COL25A1: variants seen among roughly 807,000 people sequenced by gnomAD.
COL25A1 encodes collagen type XXV alpha 1 chain, also known as collagen alpha-1(XXV) chain.
COL25A1 carries 103 observed loss-of-function variants against 128.4 expected under a neutral mutation model. That is an observed-to-expected ratio of 0.80 (90% CI 0.68 to 0.94). The LOEUF is 0.94. COL25A1 is among the 40% of genes least tolerant of loss of function. The probability of loss-of-function intolerance (pLI) is 0.00; values close to 1 mark genes in which losing one functional copy is unlikely to be tolerated. For synonymous variants in COL25A1, 279 were observed against 277.2 expected (o/e 1.01, Z -0.06); for missense variants, 745 against 840.0 (o/e 0.89, Z 1.40).
chr4:108,889,164 T>C (rs1578668358), intron 18 of COL25A1, 57 bp downstream of exon 18: 13 of 1,377,972 alleles, frequency 9.4e-6, no homozygotes, highest in Middle Eastern at 3.6e-4. Context: ...CAGTGGATGG[T>C]AGATATAAAA....
At chr4:108,998,990 A>G (rs1755063244) in intron 6 of COL25A1, among the ~76,000 whole-genome samples, 1 of 152,194 alleles carries the variant, frequency 6.6e-6, no homozygotes, top group South Asian at 2.1e-4. Context: ...ACTTAAATGT[A>G]AGACCTAACA....
intron 3 of COL25A1, among the ~76,000 whole-genome samples, chr4:109,265,726 T>A (rs1000542716): frequency 7.2e-5 from 11 of 152,152 alleles, no homozygotes; most frequent in Admixed American, 1.3e-4. Flanking sequence ...TAAATGTTAC[T>A]TTCAAATCGT....
At chr4:109,285,454 G>A (rs1212977669) in intron 3 of COL25A1, among the ~76,000 whole-genome samples, 1 of 152,188 alleles carries the variant, frequency 6.6e-6, no homozygotes, top group Non-Finnish European at 1.5e-5. Flanking sequence ...CAAATGTAAT[G>A]TATGTCTAGA....
At chr4:109,046,873 T>C (rs1760476338) in intron 5 of COL25A1, among the ~76,000 whole-genome samples, 1 of 152,190 alleles carries the variant, frequency 6.6e-6, no homozygotes, top group South Asian at 2.1e-4. Flanking sequence ...TCAAGGCCAA[T>C]GATCATTGCT....
At chr4:108,978,564 A>C (rs951205431) in intron 6 of COL25A1, among the ~76,000 whole-genome samples, 5 of 152,256 alleles carry the variant, frequency 3.3e-5, no homozygotes, top group African/African-American at 1.2e-4. Flanking sequence ...TTAGCATTAA[A>C]AAAGCTAACT....
chr4:108,949,772 T>TCATC (rs759073978), intron 8 of COL25A1, among the ~76,000 whole-genome samples: 1 of 152,112 alleles, frequency 6.6e-6, no homozygotes, highest in African/African-American at 2.4e-5. Context: ...CTTGACCTCA[T>TCATC]CATCCTCCCA....
intron 10 of COL25A1, among the ~76,000 whole-genome samples, chr4:108,938,123 T>C (rs1747657714): frequency 6.6e-6 from 1 of 152,164 alleles, no homozygotes; most frequent in Non-Finnish European, 1.5e-5. Context: ...CTTTCATACA[T>C]AGGACAGAGA....
At chr4:108,858,908 G>A (rs924420899) in intron 24 of COL25A1, among the ~76,000 whole-genome samples, 6 of 152,108 alleles carry the variant, frequency 3.9e-5, no homozygotes, top group African/African-American at 1.4e-4. Flanking sequence ...AATGTCAGGG[G>A]CGATGAGTCC....
chr4:108,920,717 A>G (rs1050727492), intron 11 of COL25A1, 113 bp from the exon 12 acceptor site: 6 of 623,976 alleles, frequency 9.6e-6, no homozygotes, highest in South Asian at 4.2e-5. Context: ...AAATATGTTG[A>G]CATTTCATAT....
At chr4:109,180,631 T>C (rs1774535540) in intron 3 of COL25A1, among the ~76,000 whole-genome samples, 1 of 152,032 alleles carries the variant, frequency 6.6e-6, no homozygotes, top group South Asian at 2.1e-4. Context: ...AGAATTCAAA[T>C]ATATTTTTTA....
At chr4:109,017,235 T>G (rs1327144455) in intron 5 of COL25A1, among the ~76,000 whole-genome samples, 1 of 152,226 alleles carries the variant, frequency 6.6e-6, no homozygotes, top group Non-Finnish European at 1.5e-5. Context: ...CAGCAGTCAG[T>G]GTACCTGGCT....
intron 11 of COL25A1, among the ~76,000 whole-genome samples, chr4:108,921,495 C>T (rs1185769228): frequency 6.6e-6 from 1 of 152,164 alleles, no homozygotes; most frequent in African/African-American, 2.4e-5. Flanking sequence ...CTCATCATTT[C>T]ATGTTAAAAG....
At chr4:108,965,296 T>A (rs577043798) in intron 8 of COL25A1, among the ~76,000 whole-genome samples, 1 of 152,332 alleles carries the variant, frequency 6.6e-6, no homozygotes, top group African/African-American at 2.4e-5. Flanking sequence ...AGCTTAGGAC[T>A]CATTTAAAAC....
intron 20 of COL25A1, among the ~76,000 whole-genome samples, chr4:108,867,328 C>T (rs1016887134): frequency 3.3e-5 from 5 of 152,184 alleles, no homozygotes; most frequent in African/African-American, 1.2e-4. Context: ...TGCCCTGGGT[C>T]CGAGGCTGCA....
rs1755939992 is a variant in COL25A1 at position 109,006,093 on chromosome 4, T to A, written c.438+4265A>T. ...AATTTCAAGTTCCTGTTACTAGACA[T>A]ATACTGTATGTGAAAAGGATCATTT... On this transcript the variant is annotated intron_variant, in intron 6 of 37. Coordinates refer to ENST00000399132, the MANE Select transcript of COL25A1 (RefSeq NM_198721.4). 1.3e-5 allele frequency among the ~76,000 whole-genome samples: 2 copies of A among 152,104 alleles called. 1 individual carries two copies. Among genetic ancestry groups the A allele is most frequent in the South Asian group, 4.1e-4 (2 of 4,826 alleles).
chr4:108,950,980 G>A (rs957731174), intron 8 of COL25A1, among the ~76,000 whole-genome samples: 1 of 152,188 alleles, frequency 6.6e-6, no homozygotes, highest in Non-Finnish European at 1.5e-5. Context: ...ATTGAGACAC[G>A]TGAAGATGAT....
chr4:108,859,507 G>T, intron 24 of COL25A1, 149 bp downstream of exon 24: 1 of 547,052 alleles, frequency 1.8e-6, no homozygotes, highest in Non-Finnish European at 3.3e-6. Flanking sequence ...CAGAGAAGGG[G>T]ATGAGTTCTT....
chr4:108,893,924 C>T (rs1398956520), intron 16 of COL25A1, among the ~76,000 whole-genome samples: 1 of 152,148 alleles, frequency 6.6e-6, no homozygotes, highest in East Asian at 1.9e-4. Flanking sequence ...TTCCTATTTA[C>T]AATCCCCTGT....
intron 3 of COL25A1, among the ~76,000 whole-genome samples, chr4:109,062,651 A>C (rs1231411097): frequency 1.3e-5 from 2 of 152,196 alleles, no homozygotes; most frequent in Non-Finnish European, 2.9e-5. Flanking sequence ...TAAGAACAAA[A>C]ATGAGGAAAT....
Sources: allele counts gnomAD v4.1 joint callset (sites outside exome capture counted in the v4.1 genomes callset), GRCh38; gene constraint gnomAD v4.1.1; transcripts MANE v1.5; gene names NCBI Gene and HGNC (gene_info 2026-07-23, HGNC 2026-07-21).